CNTN5: variants seen among roughly 807,000 people sequenced by gnomAD.
CNTN5 encodes contactin 5, also known as contactin-5.
A neutral mutation model predicts 129.1 loss-of-function variants in CNTN5; 77 were observed. The ratio of observed to expected loss-of-function variants is 0.60; its 90% CI spans 0.50 to 0.72. The LOEUF is 0.72. CNTN5 is among the 30% of genes least tolerant of loss of function. The pLI is 0.00. For synonymous variants in CNTN5, 509 were observed against 465.6 expected (o/e 1.09, Z -1.20); for missense variants, 1,478 against 1,328.8 (o/e 1.11, Z -1.75).
intron 20 of CNTN5, 136 bp downstream of exon 20, chr11:100,299,532 A>T (rs1319620729): frequency 1.8e-6 from 1 of 554,932 alleles, no homozygotes; most frequent in Non-Finnish European, 2.9e-6. Context: ...AACTTTTTGG[A>T]TATATATTTC....
intron 1 of CNTN5, among the ~76,000 whole-genome samples, chr11:99,095,425 G>C (rs1383349961): frequency 6.6e-6 from 1 of 151,870 alleles, no homozygotes; most frequent in Non-Finnish European, 1.5e-5. Flanking sequence ...GTAATATAAT[G>C]AGAGTACAAA....
chr11:99,653,443 C>T lies in CNTN5; in HGVS notation c.55+97174C>T, dbSNP rs572008777. 1.2e-4 allele frequency among the ~76,000 whole-genome samples: 19 copies of T among 152,058 alleles called. 1 individual carries two copies. Among genetic ancestry groups the T allele is most frequent in the Admixed American group, 9.9e-4 (15 of 15,226 alleles). On this transcript the variant is annotated intron_variant, in intron 3 of 24. Transcript: ENST00000524871. Reference sequence around the variant, plus strand: ...AAATTTTACATGTTCATAGCTCCCCCGTCTCAGATTTCAACCTTAAATCAG... The same window carrying T: ...AAATTTTACATGTTCATAGCTCCCCTGTCTCAGATTTCAACCTTAAATCAG...
intron 6 of CNTN5, among the ~76,000 whole-genome samples, chr11:99,887,149 G>A (rs1204328339): frequency 6.6e-6 from 1 of 151,982 alleles, no homozygotes; most frequent in East Asian, 1.9e-4. Context: ...ATTTCTTTAT[G>A]TTCATGTGAG....
intron 18 of CNTN5, among the ~76,000 whole-genome samples, chr11:100,275,315 G>C (rs1950485593): frequency 6.6e-6 from 1 of 152,158 alleles, no homozygotes; most frequent in South Asian, 2.1e-4. Context: ...TTAATTAAGA[G>C]CATAACAGGT....
chr11:100,049,440 CAA>C (rs914883358), intron 9 of CNTN5, among the ~76,000 whole-genome samples: 38 of 151,658 alleles, frequency 2.5e-4, no homozygotes, highest in African/African-American at 7.0e-4. Context: ...AAAAATAAGA[CAA>C]GAGGAAAAAA....
chr11:99,876,923 C>T (rs943192584), intron 6 of CNTN5, among the ~76,000 whole-genome samples: 2 of 152,068 alleles, frequency 1.3e-5, no homozygotes, highest in East Asian at 1.9e-4. Context: ...AACTTCTTAA[C>T]TTTTGTGTGC....
chr11:99,852,772 A>G (rs1947913314), intron 6 of CNTN5, among the ~76,000 whole-genome samples: 1 of 152,188 alleles, frequency 6.6e-6, no homozygotes. Context: ...TCTTCATTCA[A>G]GTTGTAAAGT....
chr11:100,085,431 T>G (rs1413944967), intron 13 of CNTN5, among the ~76,000 whole-genome samples: 1 of 152,052 alleles, frequency 6.6e-6, no homozygotes, highest in Non-Finnish European at 1.5e-5. Context: ...TGAACAGTTA[T>G]ATTCAATTCA....
At chr11:100,169,975 A>G (rs1947773993) in intron 13 of CNTN5, among the ~76,000 whole-genome samples, 1 of 151,978 alleles carries the variant, frequency 6.6e-6, no homozygotes, top group Non-Finnish European at 1.5e-5. Context: ...CTGTGTAGGT[A>G]TTTCTTATCC....
intron 2 of CNTN5, among the ~76,000 whole-genome samples, chr11:99,391,793 G>C (rs1319750416): frequency 6.6e-6 from 1 of 151,864 alleles, no homozygotes; most frequent in Non-Finnish European, 1.5e-5. Flanking sequence ...AAACATTTTT[G>C]TATAAATTTT....
chr11:99,552,105 A>C (rs887035937), intron 2 of CNTN5, among the ~76,000 whole-genome samples: 4 of 151,526 alleles, frequency 2.6e-5, no homozygotes, highest in African/African-American at 9.7e-5. Context: ...ACAAGGTTTC[A>C]CCATGTTGGC....
intron 8 of CNTN5, among the ~76,000 whole-genome samples, chr11:99,962,078 A>G (rs922362399): frequency 6.6e-6 from 1 of 152,032 alleles, no homozygotes; most frequent in Non-Finnish European, 1.5e-5. Context: ...TACAAAATTC[A>G]TACTAAGATA....
chr11:99,190,854 C>G (rs979575137), intron 1 of CNTN5, among the ~76,000 whole-genome samples: 2 of 151,448 alleles, frequency 1.3e-5, no homozygotes, highest in Admixed American at 1.3e-4. Flanking sequence ...TGCCTAACTC[C>G]TCAAGCTAGA....
intron 16 of CNTN5, among the ~76,000 whole-genome samples, chr11:100,254,176 C>A (rs1045034082): frequency 3.9e-5 from 6 of 152,110 alleles, no homozygotes; most frequent in African/African-American, 1.4e-4. Flanking sequence ...ACCGTCTAAC[C>A]AAATTTGAAC....
At chr11:100,019,266 A>G (rs770606) in intron 9 of CNTN5, among the ~76,000 whole-genome samples, 65,837 of 151,616 alleles carry the variant, frequency 0.43, 14,669 homozygotes, top group East Asian at 0.56. Flanking sequence ...TAAAAGTTTT[A>G]TAGTTTTATG....
Position 99,843,628 on chromosome 11 carries a change from C to T in CNTN5, c.278-1224C>T, listed in dbSNP as rs547893696. Among the ~76,000 whole-genome samples the T allele has an allele frequency of 2.0e-5, 3 of 152,088 alleles. No homozygotes were observed. In the South Asian group the frequency reaches 6.2e-4, roughly 32 times the overall value. On this transcript the variant is annotated intron_variant, in intron 4 of 24. Transcript: ENST00000524871. ...GTTTTTAACAAGGGTCATTTTGATCCTAGAGCACATATAACAATGTCTGGA... is the reference window on the plus strand; with the variant it reads ...GTTTTTAACAAGGGTCATTTTGATCTTAGAGCACATATAACAATGTCTGGA...
At chr11:99,161,529 G>A (rs1821800549) in intron 1 of CNTN5, among the ~76,000 whole-genome samples, 5 of 152,022 alleles carry the variant, frequency 3.3e-5, no homozygotes. Flanking sequence ...AACCAATTGC[G>A]AGCATGGAGA....
At chr11:99,431,800 A>G (rs1943380041) in intron 2 of CNTN5, among the ~76,000 whole-genome samples, 1 of 152,192 alleles carries the variant, frequency 6.6e-6, no homozygotes, top group African/African-American at 2.4e-5. Context: ...GCCTTTTTCC[A>G]AAGATAATTT....
chr11:99,895,648 G>C (rs923521693), intron 6 of CNTN5, among the ~76,000 whole-genome samples: 2 of 152,226 alleles, frequency 1.3e-5, no homozygotes, highest in East Asian at 1.9e-4. Flanking sequence ...GAAAGTGAGT[G>C]GGGGAAGAGT....
Sources: allele counts gnomAD v4.1 joint callset (sites outside exome capture counted in the v4.1 genomes callset), GRCh38; gene constraint gnomAD v4.1.1; transcripts MANE v1.5; gene names NCBI Gene and HGNC (gene_info 2026-07-23, HGNC 2026-07-21).